ATP9B: variants seen among roughly 807,000 people sequenced by gnomAD.
The protein encoded by ATP9B is ATPase phospholipid transporting 9B, also known as probable phospholipid-transporting ATPase IIB.
Under a neutral mutation model 146.1 loss-of-function variants are expected in ATP9B, and 110 were observed. The ratio of observed to expected loss-of-function variants is 0.75; its 90% confidence interval spans 0.65 to 0.88. ATP9B has a LOEUF of 0.88. ATP9B is among the 40% of genes least tolerant of loss of function. The probability of loss-of-function intolerance (pLI) is 0.00; values close to 1 mark genes in which losing one functional copy is unlikely to be tolerated. For synonymous variants in ATP9B, 604 were observed against 569.7 expected, an observed-to-expected ratio of 1.06 and a Z score of -0.86; for missense variants, 1,499 against 1,496.4, an observed-to-expected ratio of 1.00 and a Z score of -0.03.
intron 7 of ATP9B, among the ~76,000 whole-genome samples, chr18:79,159,991 GC>G (rs2094853300): frequency 6.6e-6 from 1 of 152,164 alleles, no homozygotes; most frequent in Admixed American, 6.6e-5. Context: ...GTTGATTGGA[GC>G]CTTTAATCCA....
In ATP9B at chr18:79,316,633, C is replaced by T. The variant is rs187012630; in HGVS notation, c.1773+9399C>T. Among the ~76,000 whole-genome samples, 61 of 152,212 alleles carry T rather than the reference C, an allele frequency of 4.0e-4. No homozygotes were observed. In the South Asian group the frequency reaches 0.012, roughly 30 times the overall value. ...AGTGACCTCAGGACAGCAGCCCCAC[C>T]GCAGCGCAGCCAACACGTCAGAGAG... On this transcript the variant is annotated intron_variant, in intron 15 of 29. Transcript: ENST00000426216.
chr18:79,228,479 A>T (rs2095757132), intron 11 of ATP9B, among the ~76,000 whole-genome samples: 1 of 152,158 alleles, frequency 6.6e-6, no homozygotes. Flanking sequence ...AAACAAAATA[A>T]TCCCTGTTTA....
At chr18:79,100,289 G>C (rs187246095) in intron 2 of ATP9B, among the ~76,000 whole-genome samples, 1 of 152,268 alleles carries the variant, frequency 6.6e-6, no homozygotes, top group South Asian at 2.1e-4. Flanking sequence ...CATAGTTGTT[G>C]GTTGTCTAGT....
At chr18:79,162,366 A>C (rs1290969118) in intron 7 of ATP9B, among the ~76,000 whole-genome samples, 1 of 152,202 alleles carries the variant, frequency 6.6e-6, no homozygotes, top group Non-Finnish European at 1.5e-5. Context: ...CTTAAATTCC[A>C]ATTAATCAAT....
intron 9 of ATP9B, among the ~76,000 whole-genome samples, chr18:79,203,085 A>G (rs1177635933): frequency 6.6e-6 from 1 of 152,232 alleles, no homozygotes; most frequent in Non-Finnish European, 1.5e-5. Context: ...TGGGTGGTGA[A>G]GTCACGATGG....
At chr18:79,157,405 A>AAAACAAAAAAC (rs2094805863) in intron 7 of ATP9B, among the ~76,000 whole-genome samples, 2 of 124,682 alleles carry the variant, frequency 1.6e-5, no homozygotes, top group South Asian at 3.2e-4. Context: ...TCAAAAAAAA[A>AAAACAAAAAAC]AAAAAAAAAA....
At chr18:79,071,049 CTTTTTTT>C (rs746689031) in intron 1 of ATP9B, among the ~76,000 whole-genome samples, 5 of 112,396 alleles carry the variant, frequency 4.4e-5, no homozygotes, top group Non-Finnish European at 8.9e-5. Flanking sequence ...ATTCCTGTTT[CTTTTTTT>C]TTTTTTTTTT....
intron 9 of ATP9B, among the ~76,000 whole-genome samples, chr18:79,198,631 TACA>T (rs1340366415): frequency 2.6e-5 from 4 of 152,218 alleles, no homozygotes; most frequent in Non-Finnish European, 5.9e-5. Context: ...TTCAAACTTG[TACA>T]ACATGTTACT....
intron 1 of ATP9B, among the ~76,000 whole-genome samples, chr18:79,071,889 G>GTTTTT (rs71161758): frequency 1.1e-4 from 10 of 91,418 alleles, no homozygotes; most frequent in Non-Finnish European, 1.3e-4. Flanking sequence ...GTTTGGTTTT[G>GTTTTT]TTTTTTTTTT....
rs144164957 is a variant in ATP9B at position 79,303,666 on chromosome 18, G to A, written c.1474G>A (p.Ala492Thr). ...GCACCTGGGCACCGTGTCCTATGGC[G>A]CCGACACGATGGATGAGATCCAGAG... Reference protein sequence around the residue: ...RLHLGTVSYGADTMDEIQSHV... With the variant: ...RLHLGTVSYGTDTMDEIQSHV... Residue 492 changes from alanine (A) to threonine (T), a missense_variant, in exon 14 of 30, where the codon GCC becomes ACC. Physicochemically the swap from Ala to Thr is moderately conservative, Grantham distance 58 (BLOSUM62 0). Coordinates refer to ENST00000426216, the MANE Select transcript of ATP9B (RefSeq NM_198531.5). 3.0e-5 allele frequency: 49 copies of A among 1,614,058 alleles called. No individual in the cohort carries two copies. The highest frequency in any genetic ancestry group is 1.7e-4 in the African/African-American group (13 of 75,016).
At chr18:79,171,260 A>C (rs1466566685) in intron 7 of ATP9B, among the ~76,000 whole-genome samples, 1 of 152,146 alleles carries the variant, frequency 6.6e-6, no homozygotes, top group Non-Finnish European at 1.5e-5. Context: ...AGCACTGTTG[A>C]AATTTTGTTC....
intron 15 of ATP9B, among the ~76,000 whole-genome samples, chr18:79,316,800 C>A (rs969250412): frequency 6.6e-6 from 1 of 152,096 alleles, no homozygotes; most frequent in Non-Finnish European, 1.5e-5. Context: ...GGAAAACATA[C>A]AAGTAATGAT....
At chr18:79,211,636 A>C (rs2148398363) in intron 10 of ATP9B, among the ~76,000 whole-genome samples, 1 of 152,334 alleles carries the variant, frequency 6.6e-6, no homozygotes, top group East Asian at 1.9e-4. Flanking sequence ...AAATGTAATC[A>C]CTGGCTTTGA....
intron 7 of ATP9B, among the ~76,000 whole-genome samples, chr18:79,162,410 C>G (rs547178521): frequency 9.2e-5 from 14 of 152,316 alleles, no homozygotes; most frequent in African/African-American, 2.2e-4. Flanking sequence ...GATCAAATAT[C>G]TCCAGAGTGC....
chr18:79,134,432 G>A (rs549817548), intron 5 of ATP9B, among the ~76,000 whole-genome samples: 82 of 152,296 alleles, frequency 5.4e-4, no homozygotes, highest in African/African-American at 1.9e-3. Flanking sequence ...TCTCAGTTTC[G>A]TGAGCTTGGG....
At chr18:79,319,651 A>G (rs2096704370) in intron 15 of ATP9B, among the ~76,000 whole-genome samples, 1 of 152,220 alleles carries the variant, frequency 6.6e-6, no homozygotes, top group Non-Finnish European at 1.5e-5. Context: ...TGATAGCACA[A>G]AAAGATTTAA....
chr18:79,371,829 C>T lies in ATP9B; in HGVS notation c.3013-996C>T, dbSNP rs146697377. On this transcript the variant is annotated intron_variant, in intron 26 of 29. Coordinates refer to ENST00000426216, the MANE Select transcript of ATP9B (RefSeq NM_198531.5). ...ACTTCCTGTCCTTAGGAGAATCTCC[C>T]CCGTGGGTGGGGAAGCCCTAAATCA... Among the ~76,000 whole-genome samples, 327 of 152,348 alleles carry T rather than the reference C, an allele frequency of 2.1e-3. 1 individual carries two copies. The highest frequency in any genetic ancestry group is 3.7e-3 in the Non-Finnish European group (253 of 68,038).
intron 16 of ATP9B, 38 bp downstream of exon 16, chr18:79,329,340 A>C: frequency 6.6e-7 from 1 of 1,504,674 alleles, no homozygotes; most frequent in Non-Finnish European, 8.9e-7. Flanking sequence ...ATGGCTTCAG[A>C]CATTTTGTTT....
intron 15 of ATP9B, among the ~76,000 whole-genome samples, chr18:79,319,989 C>T (rs2096706186): frequency 6.6e-6 from 1 of 152,202 alleles, no homozygotes; most frequent in African/African-American, 2.4e-5. Flanking sequence ...AAACTCAGAG[C>T]CCAGATTGCT....
Sources: gnomAD v4.1 joint callset for allele counts (sites outside exome capture counted in the v4.1 genomes callset) on GRCh38, gnomAD v4.1.1 for gene constraint, MANE v1.5 for transcripts, NCBI Gene and HGNC (gene_info 2026-07-23, HGNC 2026-07-21) for gene names.